Variants in PTCHD1 observed in about 807,000 individuals in gnomAD.
PTCHD1 encodes patched domain-containing protein 1.
A neutral mutation model predicts 34.6 loss-of-function variants in PTCHD1; 3 were observed. The ratio of observed to expected loss-of-function variants is 0.09; its 90% CI spans 0.04 to 0.22. PTCHD1 has a LOEUF of 0.22. PTCHD1 is among the 10% of genes least tolerant of loss of function. The pLI is 1.00. For synonymous variants in PTCHD1, 305 were observed against 283.1 expected (o/e 1.08, Z -0.77); for missense variants, 504 against 685.5 (o/e 0.74, Z 2.96).
chrX:23,401,440 A>C lies in PTCHD1; in HGVS notation c.*7255A>C, dbSNP rs1360789721. 1 of 112,581 alleles carries C rather than the reference A, an allele frequency of 8.9e-6. No homozygotes were observed. The highest frequency in any genetic ancestry group is 1.9e-5 in the Non-Finnish European group (1 of 53,332). The allele number at this position is 112,581 out of a possible 1,213,427, so 9.3% of individuals were successfully genotyped here. A position where few individuals can be genotyped will look rare whatever the true frequency, so the allele number is the denominator to read the frequency against. ...CAGAATCACCAAGGCAGTTGCCACG[A>C]TGCCTCCCAGGACTGTGGGTGACTG... On this transcript the variant is annotated 3_prime_UTR_variant, in exon 3 of 3. Transcript: ENST00000379361.
intron 1 of PTCHD1, among the ~76,000 whole-genome samples, chrX:23,376,245 T>C (rs10521927): frequency 0.068 from 7,646 of 112,477 alleles, 321 homozygotes; most frequent in East Asian, 0.31. Context: ...TTATATGTTA[T>C]TTCACACCAC....
intron 1 of PTCHD1, among the ~76,000 whole-genome samples, chrX:23,336,836 T>C (rs1000589265): frequency 8.9e-6 from 1 of 112,261 alleles, no homozygotes; most frequent in Admixed American, 9.4e-5. Flanking sequence ...AAACACATAG[T>C]AGATTCATCA....
Position 23,403,579 on chromosome X carries a change from C to T in PTCHD1, c.*9394C>T, listed in dbSNP as rs1025845346. On this transcript the variant is annotated 3_prime_UTR_variant, in exon 3 of 3. Coordinates refer to ENST00000379361, the MANE Select transcript of PTCHD1 (RefSeq NM_173495.3). ...GGGCATTAATAAACTCTAATTTTTA[C>T]CGAAAGTCAAGAGACACACAGATCT... 2 of 111,492 alleles carry T rather than the reference C, an allele frequency of 1.8e-5. No homozygotes were observed. Among genetic ancestry groups the T allele is most frequent in the African/African-American group, 6.5e-5 (2 of 30,675 alleles). The allele number at this position is 111,492 out of a possible 1,213,427, so 9.2% of individuals were successfully genotyped here. A position where few individuals can be genotyped will look rare whatever the true frequency, so the allele number is the denominator to read the frequency against.
chrX:23,392,074 C>CTTTCTTTCTTT (rs367570857), intron 2 of PTCHD1, among the ~76,000 whole-genome samples: 3 of 52,347 alleles, frequency 5.7e-5, no homozygotes, highest in African/African-American at 3.8e-4. Flanking sequence ...TTCTTTCTTT[C>CTTTCTTTCTTT]TTTTTTTTTT....
chrX:23,351,141 A>G (rs1921622158), intron 1 of PTCHD1: 2 of 582,338 alleles, frequency 3.4e-6, no homozygotes, highest in South Asian at 3.2e-5. Context: ...GAGGAAGCCA[A>G]CATCCTTTTG....
chrX:23,396,988 T>G lies in PTCHD1; in HGVS notation c.*2803T>G, dbSNP rs1323772624. 1 of 112,287 alleles carries G rather than the reference T, an allele frequency of 8.9e-6. No homozygotes were observed. 9.3% of individuals were successfully genotyped at this position (112,287 alleles called of 1,213,427 possible). ...CTTCATCAAGTTTTACTTTTTGAAT[T>G]GCTATAAAGACGGAAAAATTGATCC... On this transcript the variant is annotated 3_prime_UTR_variant, in exon 3 of 3. Coordinates refer to ENST00000379361, the MANE Select transcript of PTCHD1 (RefSeq NM_173495.3).
At chrX:23,368,664 A>C (rs1922205204) in intron 1 of PTCHD1, among the ~76,000 whole-genome samples, 1 of 112,285 alleles carries the variant, frequency 8.9e-6, no homozygotes, top group African/African-American at 3.2e-5. Flanking sequence ...TGATATTTTC[A>C]GTAAATCCAC....
Position 23,393,099 on chromosome X carries a change from C to A in PTCHD1, c.1581C>A (p.Asp527Glu). 21 of 1,210,895 alleles carry A rather than the reference C, an allele frequency of 1.7e-5. No homozygotes were observed. Among genetic ancestry groups the A allele is most frequent in the Non-Finnish European group, 2.2e-5 (20 of 894,633 alleles). ...ATCTGCAGGTCAGTGAAGGGTCAGA[C>A]CTTAGTAACATTGTAGCAACCGCGA... Reference protein sequence around the residue: ...MGYLQVSEGSDLSNIVATATQ... With the variant: ...MGYLQVSEGSELSNIVATATQ... Residue 527 changes from aspartate to glutamate, a missense_variant, in exon 3 of 3, where the codon GAC becomes GAA. Asp to Glu is a conservative substitution (Grantham distance 45, BLOSUM62 2). Transcript: ENST00000379361.
At chrX:23,366,662 T>C (rs991091812) in intron 1 of PTCHD1, among the ~76,000 whole-genome samples, 1 of 111,403 alleles carries the variant, frequency 9.0e-6, no homozygotes, top group African/African-American at 3.3e-5. Flanking sequence ...TGCCCTTCCC[T>C]TAATACTCTG....
At chrX:23,337,869 T>C (rs761819696) in intron 1 of PTCHD1, among the ~76,000 whole-genome samples, 32 of 110,984 alleles carry the variant, frequency 2.9e-4, no homozygotes, top group Non-Finnish European at 5.7e-4. Context: ...TTTGGGATTG[T>C]ACCTGTGCAG....
At chrX:23,379,562 AT>A (rs754421921) in intron 1 of PTCHD1, 28 bp from the exon 2 acceptor site, 2 of 1,203,581 alleles carry the variant, frequency 1.7e-6, no homozygotes, top group South Asian at 3.5e-5. Context: ...TATTTGATTA[AT>A]AAATGCTGTC....
rs144099165 is a variant in PTCHD1 at position 23,392,705 on chromosome X, T to C, written c.1187T>C (p.Ile396Thr). Reference sequence around the variant, plus strand: ...ATAGGGGCCAGCCCTTTCACGAACATTGAGGCAGCCAGGATTTTCTGCTGC... The same window carrying C: ...ATAGGGGCCAGCCCTTTCACGAACACTGAGGCAGCCAGGATTTTCTGCTGC... ...FGIGASPFTN[I>T]EAARIFCCNS... The change falls in exon 3 of 3, where the codon ATT becomes ACT. Residue 396 changes from isoleucine to threonine, a missense_variant. Transcript: ENST00000379361. 8.3e-7 allele frequency: 1 copy of C among 1,210,805 alleles called. No homozygotes were observed. Among genetic ancestry groups the C allele is most frequent in the African/African-American group, 1.7e-5 (1 of 57,413 alleles).
chrX:23,390,705 A>T, intron 2 of PTCHD1, among the ~76,000 whole-genome samples: 1 of 111,955 alleles, frequency 8.9e-6, no homozygotes. Context: ...CTGAGGAAAC[A>T]GGCCTAAATC....
chrX:23,392,514 T>C lies in PTCHD1; in HGVS notation c.1013-17T>C. 1 of 1,105,437 alleles carries C rather than the reference T, an allele frequency of 9.0e-7. No individual in the cohort carries two copies. Among genetic ancestry groups the C allele is most frequent in the East Asian group, 3.0e-5 (1 of 33,388 alleles). 91.1% of individuals were successfully genotyped at this position (1,105,437 alleles called of 1,213,427 possible). Reference sequence around the variant, plus strand: ...AGTTCTTTAAACTTCTGCTCTGGTCTTTTTCTGCCCTCTTAGGTCATGGAT... The same window carrying C: ...AGTTCTTTAAACTTCTGCTCTGGTCCTTTTCTGCCCTCTTAGGTCATGGAT... On this transcript the variant is annotated splice_polypyrimidine_tract_variant and intron_variant, in intron 2 of 2. Coordinates refer to ENST00000379361, the MANE Select transcript of PTCHD1 (RefSeq NM_173495.3).
Position 23,392,522 on chromosome X carries a change from C to T in PTCHD1, c.1013-9C>T. On this transcript the variant is annotated splice_polypyrimidine_tract_variant and intron_variant, in intron 2 of 2. Transcript: ENST00000379361. ...AAACTTCTGCTCTGGTCTTTTTCTG[C>T]CCTCTTAGGTCATGGATTATATGGG... is the stretch of plus-strand genomic sequence containing the variant. 7.9e-6 allele frequency: 9 copies of T among 1,133,342 alleles called. No homozygotes were observed. The highest frequency in any genetic ancestry group is 2.2e-5 in the Admixed American group (1 of 45,886). The allele number at this position is 1,133,342 out of a possible 1,213,427, so 93.4% of individuals were successfully genotyped here.
At chrX:23,349,371 G>C (rs1921565290) in intron 1 of PTCHD1, among the ~76,000 whole-genome samples, 1 of 111,457 alleles carries the variant, frequency 9.0e-6, no homozygotes, top group Non-Finnish European at 1.9e-5. Context: ...GACTGTCAAA[G>C]TGGATTATGG....
intron 1 of PTCHD1, among the ~76,000 whole-genome samples, chrX:23,351,779 C>T (rs1921641622): frequency 8.9e-6 from 1 of 111,893 alleles, no homozygotes; most frequent in African/African-American, 3.3e-5. Flanking sequence ...AGTTTTGGTT[C>T]AGCGCTAGGA....
intron 2 of PTCHD1, among the ~76,000 whole-genome samples, chrX:23,391,850 G>C (rs1295487496): frequency 9.0e-6 from 1 of 110,653 alleles, no homozygotes; most frequent in Non-Finnish European, 1.9e-5. Context: ...ATATGCACAA[G>C]TCTAATCAGC....
intron 1 of PTCHD1, among the ~76,000 whole-genome samples, chrX:23,371,238 T>A (rs781720207): frequency 8.9e-6 from 1 of 111,975 alleles, no homozygotes; most frequent in Non-Finnish European, 1.9e-5. Context: ...AAATTCACTG[T>A]CTTAGTTGGA....
Sources: allele counts gnomAD v4.1 joint callset (sites outside exome capture counted in the v4.1 genomes callset), GRCh38; gene constraint gnomAD v4.1.1; transcripts MANE v1.5; gene names NCBI Gene and HGNC (gene_info 2026-07-23, HGNC 2026-07-21).